Variants in GLIPR1 observed in about 807,000 individuals in gnomAD.
The protein encoded by GLIPR1 is GLI pathogenesis related 1, also known as glioma pathogenesis-related protein 1.
A neutral mutation model predicts 30.3 loss-of-function variants in GLIPR1; 38 were observed. The observed-to-expected ratio is 1.26, with a 90% CI of 0.97 to 1.65. GLIPR1 has a LOEUF of 1.65. Among genes scored for constraint, GLIPR1 ranks in the 40% most tolerant of loss-of-function variants. The pLI is 0.00. For synonymous variants in GLIPR1, 122 were observed against 110.6 expected (o/e 1.10, Z -0.65); for missense variants, 285 against 326.5 (o/e 0.87, Z 0.98).
intron 2 of GLIPR1, chr12:75,487,757 C>T (rs1320016782): frequency 6.6e-6 from 3 of 456,328 alleles, no homozygotes; most frequent in Admixed American, 2.4e-5. Context: ...GGAAAGGGGT[C>T]GGGATCCAAA....
At chr12:75,496,970 A>T (rs571669932) in intron 4 of GLIPR1, 2 of 152,222 alleles carry the variant, frequency 1.3e-5, no homozygotes, top group Non-Finnish European at 2.9e-5. Flanking sequence ...TGTAGCCACA[A>T]TGCAGATAAT....
chr12:75,497,854 T>C (rs2046360563), intron 4 of GLIPR1: 1 of 152,012 alleles, frequency 6.6e-6, no homozygotes, highest in African/African-American at 2.4e-5. Flanking sequence ...CAGATGTACA[T>C]TTGTTTCAAT....
At chr12:75,482,173 T>G (rs2120491382) in intron 2 of GLIPR1, 94 bp downstream of exon 2, 1 of 1,052,506 alleles carries the variant, frequency 9.5e-7, no homozygotes, top group Non-Finnish European at 1.4e-6. Flanking sequence ...AGTATGCTAG[T>G]ATACCTGTAA....
intron 4 of GLIPR1, 97 bp downstream of exon 4, chr12:75,495,759 A>G: frequency 2.9e-6 from 2 of 698,096 alleles, no homozygotes; most frequent in Non-Finnish European, 5.0e-6. Flanking sequence ...CTTAACGGCT[A>G]TCTTCAAGGA....
At chr12:75,486,920 G>C (rs1287540830) in intron 2 of GLIPR1, among the ~76,000 whole-genome samples, 1 of 151,990 alleles carries the variant, frequency 6.6e-6, no homozygotes. Flanking sequence ...AAAATTCATA[G>C]AAATGTACAT....
intron 4 of GLIPR1, chr12:75,496,780 C>T (rs918098578): frequency 2.0e-5 from 3 of 152,170 alleles, no homozygotes; most frequent in Non-Finnish European, 4.4e-5. Flanking sequence ...TATAAGGTCC[C>T]TTGCAGGCCT....
chr12:75,495,894 AAAAC>A (rs2046347749), intron 4 of GLIPR1: 1 of 326,514 alleles, frequency 3.1e-6, no homozygotes, highest in Non-Finnish European at 5.6e-6. Context: ...AACAACAAAA[AAAAC>A]TGTCAGAAAC....
At position 75,490,732 on chromosome 12, in the gene GLIPR1, G is replaced by A. The variant is rs145761117; in HGVS notation, c.533+214G>A. The A allele has an allele frequency of 3.3e-3, 1,562 of 468,222 alleles. 14 individuals are homozygous for A. Among genetic ancestry groups the A allele is most frequent in the African/African-American group, 0.028 (1,426 of 51,278 alleles). 29.0% of individuals were successfully genotyped at this position (468,222 alleles called of 1,614,324 possible). A position where few individuals can be genotyped will look rare whatever the true frequency, so the allele number is the denominator to read the frequency against. On this transcript the variant is annotated intron_variant, in intron 3 of 5. Transcript: ENST00000266659. Reference sequence around the variant, plus strand: ...TTTTTCTTGGAGAGAGAGAGGGTGTGTGTGTGTGTGTACATCCTTTATATA... The same window carrying A: ...TTTTTCTTGGAGAGAGAGAGGGTGTATGTGTGTGTGTACATCCTTTATATA...
At chr12:75,485,594 A>G (rs1462634942) in intron 2 of GLIPR1, among the ~76,000 whole-genome samples, 1 of 143,258 alleles carries the variant, frequency 7.0e-6, no homozygotes, top group Non-Finnish European at 1.6e-5. Flanking sequence ...TCTGTCGCCC[A>G]GGCTGGAGTG....
chr12:75,481,810 A>C, intron 1 of GLIPR1, 24 bp from the exon 2 acceptor site: 1 of 1,611,090 alleles, frequency 6.2e-7, no homozygotes, highest in Non-Finnish European at 8.5e-7. Context: ...TGAACCCCCT[A>C]TTGTTTAATG....
intron 3 of GLIPR1, chr12:75,493,243 G>A (rs1375241251): frequency 1.3e-5 from 2 of 152,158 alleles, no homozygotes; most frequent in African/African-American, 4.8e-5. Context: ...ATGGATTAGA[G>A]GAGCATAAAA....
chr12:75,498,641 T>C, intron 4 of GLIPR1, 53 bp from the exon 5 acceptor site: 1 of 1,437,846 alleles, frequency 7.0e-7, no homozygotes, highest in East Asian at 2.3e-5. Context: ...AATAAAACTC[T>C]CAACTGTGTC....
intron 3 of GLIPR1, chr12:75,493,767 C>G (rs2120546873): frequency 6.6e-6 from 1 of 152,352 alleles, no homozygotes; most frequent in South Asian, 2.1e-4. Context: ...GTCCCACAGT[C>G]TTAATGACTC....
chr12:75,481,356 T>C (rs978413275), intron 1 of GLIPR1: 4 of 168,906 alleles, frequency 2.4e-5, no homozygotes, highest in African/African-American at 1.1e-4. Context: ...GATTTGGTTT[T>C]CTTTTTTTTT....
rs543269519 is a variant in GLIPR1 at position 75,503,780 on chromosome 12, C to T, written c.*4802C>T. The T allele has an allele frequency of 1.2e-6, 1 of 852,816 alleles. No individual in the cohort carries two copies. The highest frequency in any genetic ancestry group is 1.8e-6 in the Non-Finnish European group (1 of 566,220). The allele number at this position is 852,816 out of a possible 1,614,324, so 52.8% of individuals were successfully genotyped here. Reference sequence around the variant, plus strand: ...TATTTACCCTCAGTTTCTTATAGCTCTGCACACACACACACAATATATATA... The same window carrying T: ...TATTTACCCTCAGTTTCTTATAGCTTTGCACACACACACACAATATATATA... On this transcript the variant is annotated 3_prime_UTR_variant, in exon 6 of 6. Transcript: ENST00000266659.
intron 2 of GLIPR1, among the ~76,000 whole-genome samples, 189 bp downstream of exon 2, chr12:75,482,268 G>C (rs2046274840): frequency 1.3e-5 from 2 of 152,114 alleles, no homozygotes; most frequent in South Asian, 4.1e-4. Context: ...CACATAATAG[G>C]TAATATGTGA....
At chr12:75,481,804 C>A in intron 1 of GLIPR1, 30 bp from the exon 2 acceptor site, 2 of 1,607,470 alleles carry the variant, frequency 1.2e-6, no homozygotes, top group Non-Finnish European at 1.7e-6. Flanking sequence ...TTCAGATGAA[C>A]CCCCTATTGT....
chr12:75,485,158 C>T (rs1019051444), intron 2 of GLIPR1, among the ~76,000 whole-genome samples: 1 of 152,154 alleles, frequency 6.6e-6, no homozygotes, highest in African/African-American at 2.4e-5. Flanking sequence ...CTTCAAAAAT[C>T]GAGCTATTTG....
chr12:75,503,773 T>C lies in GLIPR1; in HGVS notation c.*4795T>C. On this transcript the variant is annotated 3_prime_UTR_variant, in exon 6 of 6. Transcript: ENST00000266659. Reference sequence around the variant, plus strand: ...CTATTTATATTTACCCTCAGTTTCTTATAGCTCTGCACACACACACACAAT... The same window carrying C: ...CTATTTATATTTACCCTCAGTTTCTCATAGCTCTGCACACACACACACAAT... 1.3e-6 allele frequency: 1 copy of C among 792,240 alleles called. No individual in the cohort carries two copies. The highest frequency in any genetic ancestry group is 2.6e-5 in the East Asian group (1 of 38,298). The allele number at this position is 792,240 out of a possible 1,614,324, so 49.1% of individuals were successfully genotyped here.
Sources: gnomAD v4.1 joint callset for allele counts (sites outside exome capture counted in the v4.1 genomes callset) on GRCh38, gnomAD v4.1.1 for gene constraint, MANE v1.5 for transcripts, NCBI Gene and HGNC (gene_info 2026-07-23, HGNC 2026-07-21) for gene names.